Variants in DTNA observed in about 807,000 individuals in gnomAD.
DTNA encodes the protein dystrobrevin alpha.
In DTNA, 43 loss-of-function variants were observed where a neutral mutation model predicts 100.7. The ratio of observed to expected loss-of-function variants is 0.43; its 90% confidence interval spans 0.33 to 0.55. DTNA has a LOEUF of 0.55. DTNA is among the 20% of genes least tolerant of loss of function. The pLI is 0.04. For synonymous variants in DTNA, 349 were observed against 347.9 expected, an observed-to-expected ratio of 1.00 and a Z score of -0.04; for missense variants, 798 against 953.9, an observed-to-expected ratio of 0.84 and a Z score of 2.15.
intron 13 of DTNA, among the ~76,000 whole-genome samples, chr18:34,848,049 T>C (rs2096411499): frequency 6.6e-6 from 1 of 152,172 alleles, no homozygotes; most frequent in Non-Finnish European, 1.5e-5. Flanking sequence ...AATAGTCACC[T>C]CTCTGTGAGG....
chr18:34,570,013 G>C (rs1010361460), intron 1 of DTNA, among the ~76,000 whole-genome samples: 14 of 152,090 alleles, frequency 9.2e-5, no homozygotes, highest in Non-Finnish European at 5.9e-5. Flanking sequence ...CGTTCCATTA[G>C]CTGCCAGGCT....
intron 1 of DTNA, among the ~76,000 whole-genome samples, chr18:34,616,084 A>G (rs1308174684): frequency 6.6e-6 from 1 of 152,210 alleles, no homozygotes; most frequent in East Asian, 1.9e-4. Context: ...AACAATTTAT[A>G]TTCCTTTGGG....
At chr18:34,544,734 G>A (rs1260458045) in intron 1 of DTNA, among the ~76,000 whole-genome samples, 7 of 151,518 alleles carry the variant, frequency 4.6e-5, no homozygotes, top group Admixed American at 2.0e-4. Flanking sequence ...GAAGCAACTC[G>A]CAGTGTGTGT....
chr18:34,660,782 G>A (rs2075073296), intron 1 of DTNA, among the ~76,000 whole-genome samples: 1 of 152,170 alleles, frequency 6.6e-6, no homozygotes, highest in African/African-American at 2.4e-5. Context: ...TTGCCAATTA[G>A]AAATTGTTTG....
rs1321262202 is a variant in DTNA, at chr18:34,565,605, G to A, written c.-2+72091G>A. On this transcript the variant is annotated intron_variant, in intron 1 of 19. Coordinates refer to the DTNA transcript ENST00000283365. ...CTCTTCTAGCTTCTGATGGCCCAGA[G>A]CATTCTTTGGCTTGTGGCAAAATAA... Among the ~76,000 whole-genome samples, 4 of 152,268 alleles carry A rather than the reference G, an allele frequency of 2.6e-5. No homozygotes were observed. The East Asian group carries it at 7.7e-4, about 29-fold the overall frequency.
chr18:34,879,784 A>G, intron 20 of DTNA, 65 bp downstream of exon 20: 1 of 1,595,864 alleles, frequency 6.3e-7, no homozygotes, highest in Non-Finnish European at 8.6e-7. Flanking sequence ...ACAATAAGAA[A>G]GTAAAAGCAT....
At chr18:34,617,578 A>T (rs1213287799) in intron 1 of DTNA, among the ~76,000 whole-genome samples, 2 of 152,064 alleles carry the variant, frequency 1.3e-5, no homozygotes, top group African/African-American at 4.8e-5. Context: ...TATTGGCATG[A>T]CATTTTCTTT....
intron 1 of DTNA, among the ~76,000 whole-genome samples, chr18:34,743,542 C>G (rs2091075891): frequency 6.6e-6 from 1 of 152,148 alleles, no homozygotes; most frequent in South Asian, 2.1e-4. Flanking sequence ...GAATTAATCT[C>G]TATTCCACAT....
chr18:34,863,938 C>T (rs1226644693), intron 16 of DTNA, 28 bp from the exon 17 acceptor site: 4 of 1,589,498 alleles, frequency 2.5e-6, no homozygotes. Context: ...TTGCATGCCG[C>T]TTCTGATGTC....
intron 1 of DTNA, among the ~76,000 whole-genome samples, chr18:34,505,175 C>T (rs1336814210): frequency 6.6e-6 from 1 of 152,204 alleles, no homozygotes; most frequent in East Asian, 1.9e-4. Context: ...TATTACTTTG[C>T]TTTCTTTAGC....
Position 34,871,293 on chromosome 18 carries a change from C to CT in DTNA, c.1744-3941dup, listed in dbSNP as rs144092351. On this transcript the variant is annotated intron_variant, in intron 17 of 22. Coordinates refer to ENST00000444659, the MANE Select transcript of DTNA (RefSeq NM_001386795.1). Reference sequence around the variant, plus strand: ...CAGAAAATGTATGAATCTTGTCAGACTTTTTAAAAAAATGGATACAACAGC... The same window carrying CT: ...CAGAAAATGTATGAATCTTGTCAGACTTTTTTAAAAAAATGGATACAACAGC... Among the ~76,000 whole-genome samples, 418 of 152,214 alleles carry CT rather than the reference C, an allele frequency of 2.7e-3. 5 individuals carry two copies. Among genetic ancestry groups the CT allele is most frequent in the African/African-American group, 9.8e-3 (409 of 41,528 alleles).
At chr18:34,575,202 T>C (rs1004448896) in intron 1 of DTNA, among the ~76,000 whole-genome samples, 2 of 152,232 alleles carry the variant, frequency 1.3e-5, no homozygotes, top group Non-Finnish European at 2.9e-5. Flanking sequence ...CTTTTGAACT[T>C]CATCTTCTAT....
At chr18:34,762,525 A>G (rs2093243864) in intron 2 of DTNA, among the ~76,000 whole-genome samples, 1 of 152,204 alleles carries the variant, frequency 6.6e-6, no homozygotes, top group Non-Finnish European at 1.5e-5. Context: ...ATAAACTTTC[A>G]AGAAAAGACC....
At chr18:34,643,837 C>T (rs2059552531) in intron 1 of DTNA, among the ~76,000 whole-genome samples, 1 of 152,140 alleles carries the variant, frequency 6.6e-6, no homozygotes, top group Non-Finnish European at 1.5e-5. Flanking sequence ...TCCTTAATTA[C>T]ATGATTTGTT....
chr18:34,651,149 T>A (rs1455664631), intron 1 of DTNA, among the ~76,000 whole-genome samples: 1 of 152,208 alleles, frequency 6.6e-6, no homozygotes, highest in South Asian at 2.1e-4. Context: ...AGACACTTCA[T>A]ATATATCTTG....
chr18:34,656,524 C>T (rs16965749), intron 1 of DTNA, among the ~76,000 whole-genome samples: 2,125 of 152,244 alleles, frequency 0.014, 40 homozygotes, highest in African/African-American at 0.047. Context: ...TTCCAGGTCA[C>T]GGAGCAGTCC....
In DTNA at chr18:34,660,120, G is replaced by A. The variant is rs9946842; in HGVS notation, c.-1-95856G>A. Among the ~76,000 whole-genome samples, 799 of 152,246 alleles carry A rather than the reference G, an allele frequency of 5.2e-3. 8 individuals carry two copies. Among genetic ancestry groups the A allele is most frequent in the African/African-American group, 0.018 (753 of 41,550 alleles). On this transcript the variant is annotated intron_variant, in intron 1 of 19. Coordinates refer to the DTNA transcript ENST00000283365. ...TTGAAAGTTGACATTTGAGCTACAG[G>A]CATATAATACTTGGGGACAGTGTTC...
At chr18:34,695,484 T>A (rs568592650) in intron 1 of DTNA, among the ~76,000 whole-genome samples, 1 of 152,170 alleles carries the variant, frequency 6.6e-6, no homozygotes, top group Non-Finnish European at 1.5e-5. Context: ...TGTGGTTGCC[T>A]GGTAACCAGT....
intron 5 of DTNA, among the ~76,000 whole-genome samples, chr18:34,809,574 T>G (rs1426475167): frequency 6.6e-6 from 1 of 152,210 alleles, no homozygotes; most frequent in Non-Finnish European, 1.5e-5. Context: ...AGGGTTTTGT[T>G]TTCCCTTCTT....
Sources: gnomAD v4.1 joint callset for allele counts (sites outside exome capture counted in the v4.1 genomes callset) on GRCh38, gnomAD v4.1.1 for gene constraint, MANE v1.5 for transcripts, NCBI Gene and HGNC (gene_info 2026-07-23, HGNC 2026-07-21) for gene names.